Variants in DTNA observed in about 807,000 individuals in gnomAD.
DTNA encodes dystrophin-related protein 3.
DTNA carries 43 observed loss-of-function variants against 100.7 expected under a neutral mutation model. The observed-to-expected ratio is 0.43, with a 90% CI of 0.33 to 0.55. The LOEUF is 0.55. DTNA is among the 20% of genes least tolerant of loss of function. DTNA has a pLI of 0.04. For missense variants in DTNA, 798 were observed against 953.9 expected, an observed-to-expected ratio of 0.84 and a Z score of 2.15; for synonymous variants, 349 against 347.9, an observed-to-expected ratio of 1.00 and a Z score of -0.04.
chr18:34,744,457 GA>G (rs58885416), intron 1 of DTNA, among the ~76,000 whole-genome samples: 1 of 151,924 alleles, frequency 6.6e-6, no homozygotes, highest in Admixed American at 6.6e-5. Context: ...TCTTGACCAG[GA>G]AAAAAATATC....
chr18:34,554,984 G>A (rs1193349340), intron 1 of DTNA, among the ~76,000 whole-genome samples: 9 of 131,578 alleles, frequency 6.8e-5, no homozygotes, highest in East Asian at 2.1e-4. Context: ...GGTAGAATTC[G>A]GCTGTGAATC....
intron 3 of DTNA, among the ~76,000 whole-genome samples, chr18:34,772,614 C>T (rs1045101711): frequency 2.0e-5 from 3 of 152,198 alleles, no homozygotes; most frequent in African/African-American, 7.2e-5. Flanking sequence ...TAATATTCCA[C>T]TCATTTTTCT....
At chr18:34,761,679 G>A (rs1185251159) in intron 2 of DTNA, among the ~76,000 whole-genome samples, 6 of 152,216 alleles carry the variant, frequency 3.9e-5, no homozygotes, top group South Asian at 2.1e-4. Flanking sequence ...TTGAGGAGAC[G>A]GTGCAAGAGC....
At chr18:34,711,148 G>C (rs116468008) in intron 1 of DTNA, among the ~76,000 whole-genome samples, 51 of 152,260 alleles carry the variant, frequency 3.3e-4, no homozygotes, top group African/African-American at 1.2e-3. Flanking sequence ...GGTAGGAACT[G>C]AATGTAAACA....
At chr18:34,804,591 AT>A (rs1282035720) in intron 4 of DTNA, among the ~76,000 whole-genome samples, 1 of 152,160 alleles carries the variant, frequency 6.6e-6, no homozygotes, top group Non-Finnish European at 1.5e-5. Context: ...CTCAGGATTC[AT>A]TTTCAGGTAA....
chr18:34,544,368 G>A (rs976192300), intron 1 of DTNA, among the ~76,000 whole-genome samples: 7 of 151,932 alleles, frequency 4.6e-5, no homozygotes, highest in African/African-American at 1.7e-4. Context: ...GAAGCCTACT[G>A]ACATATTTAC....
intron 3 of DTNA, among the ~76,000 whole-genome samples, chr18:34,768,828 G>T (rs960155851): frequency 1.3e-5 from 2 of 152,120 alleles, no homozygotes; most frequent in African/African-American, 4.8e-5. Flanking sequence ...CCTTCAAGTT[G>T]CTCAAAATCT....
At chr18:34,532,846 G>C (rs550214093) in intron 1 of DTNA, among the ~76,000 whole-genome samples, 1 of 152,014 alleles carries the variant, frequency 6.6e-6, no homozygotes, top group African/African-American at 2.4e-5. Context: ...GTTTTAGGAA[G>C]AGAAACCTGG....
At chr18:34,877,423 C>CAG (rs1166040655) in intron 18 of DTNA, among the ~76,000 whole-genome samples, 1 of 152,224 alleles carries the variant, frequency 6.6e-6, no homozygotes, top group African/African-American at 2.4e-5. Flanking sequence ...TTTGCCAGGT[C>CAG]AGCCAGCCTT....
intron 4 of DTNA, among the ~76,000 whole-genome samples, chr18:34,794,869 G>A (rs1038126959): frequency 6.6e-6 from 1 of 152,112 alleles, no homozygotes; most frequent in Non-Finnish European, 1.5e-5. Flanking sequence ...AAGGCTGTTC[G>A]TCCACATATC....
At chr18:34,540,415 T>C (rs1398937840) in intron 1 of DTNA, among the ~76,000 whole-genome samples, 1 of 152,014 alleles carries the variant, frequency 6.6e-6, no homozygotes, top group East Asian at 1.9e-4. Context: ...TTTATATGAT[T>C]TTCATTGTAT....
chr18:34,872,751 C>T (rs755033530), intron 17 of DTNA, among the ~76,000 whole-genome samples: 1 of 152,244 alleles, frequency 6.6e-6, no homozygotes, highest in African/African-American at 2.4e-5. Context: ...GGACGCTGCT[C>T]CAGCACCACA....
chr18:34,585,578 G>T (rs995948093), intron 1 of DTNA, among the ~76,000 whole-genome samples: 8 of 152,110 alleles, frequency 5.3e-5, no homozygotes, highest in Non-Finnish European at 1.0e-4. Flanking sequence ...TGGTAGGGAG[G>T]TAGGTGACAG....
chr18:34,744,722 T>C (rs1033415635), intron 1 of DTNA, among the ~76,000 whole-genome samples: 1 of 152,130 alleles, frequency 6.6e-6, no homozygotes, highest in Non-Finnish European at 1.5e-5. Flanking sequence ...GCACAACCCG[T>C]GAACTCCATC....
intron 16 of DTNA, among the ~76,000 whole-genome samples, chr18:34,860,209 G>A (rs1422054087): frequency 1.4e-5 from 2 of 145,144 alleles, no homozygotes; most frequent in Non-Finnish European, 3.0e-5. Flanking sequence ...ACCACGCCCG[G>A]CTAATTTTTT....
intron 11 of DTNA, among the ~76,000 whole-genome samples, chr18:34,834,144 T>G (rs989892181): frequency 6.6e-6 from 1 of 152,172 alleles, no homozygotes; most frequent in African/African-American, 2.4e-5. Context: ...ACATCATTAC[T>G]GTTTTAGTCC....
At chr18:34,636,689 C>T (rs955586915) in intron 1 of DTNA, among the ~76,000 whole-genome samples, 1 of 152,080 alleles carries the variant, frequency 6.6e-6, no homozygotes, top group African/African-American at 2.4e-5. Flanking sequence ...CCCAGGAGCC[C>T]ATGGATCACC....
intron 1 of DTNA, among the ~76,000 whole-genome samples, chr18:34,559,406 G>A (rs1481280256): frequency 1.3e-5 from 2 of 152,196 alleles, no homozygotes; most frequent in Non-Finnish European, 2.9e-5. Flanking sequence ...GTTTAAATGT[G>A]TGCAACCTTT....
chr18:34,538,435 G>T (rs1342849710), intron 1 of DTNA, among the ~76,000 whole-genome samples: 1 of 152,026 alleles, frequency 6.6e-6, no homozygotes, highest in Admixed American at 6.6e-5. Context: ...TGAGAACTAA[G>T]AGCAACTTTT....
Sources: gnomAD v4.1 joint callset for allele counts (sites outside exome capture counted in the v4.1 genomes callset) on GRCh38, gnomAD v4.1.1 for gene constraint, MANE v1.5 for transcripts, NCBI Gene and HGNC (gene_info 2026-07-23, HGNC 2026-07-21) for gene names.